Variants in MGST2 observed in about 807,000 individuals in gnomAD.
MGST2 encodes the protein glutathione peroxidase MGST2.
MGST2 carries 9 observed loss-of-function variants against 16.6 expected under a neutral mutation model. The ratio of observed to expected loss-of-function variants is 0.54; its 90% CI spans 0.33 to 0.95. The LOEUF (loss-of-function observed/expected upper bound fraction) is 0.95. MGST2 is among the 40% of genes least tolerant of loss of function. The probability of loss-of-function intolerance (pLI) is 0.03; values close to 1 mark genes in which losing one functional copy is unlikely to be tolerated. For synonymous variants in MGST2, 79 were observed against 68.0 expected (o/e 1.16, Z -0.79); for missense variants, 159 against 175.1 (o/e 0.91, Z 0.52).
At chr4:139,754,505 G>T in the MGST2 span, among the ~76,000 whole-genome samples, 1 of 152,128 alleles carries the variant, frequency 6.6e-6, no homozygotes, top group African/African-American at 2.4e-5. Context: ...CCTATTGTTG[G>T]ACATTTAAAT....
intron 2 of MGST2, among the ~76,000 whole-genome samples, chr4:139,689,630 C>T (rs1354475570): frequency 6.6e-6 from 1 of 152,054 alleles, no homozygotes; most frequent in Non-Finnish European, 1.5e-5. Context: ...GGATGAGTCA[C>T]CTAAACAAGA....
intron 2 of MGST2, among the ~76,000 whole-genome samples, chr4:139,682,606 G>A (rs910666415): frequency 2.0e-5 from 3 of 152,214 alleles, no homozygotes; most frequent in South Asian, 4.1e-4. Flanking sequence ...AGTCATGACA[G>A]GGTTTTAAGC....
Position 139,704,004 on chromosome 4 carries a change from T to C in MGST2, c.312-12T>C. Reference sequence around the variant, plus strand: ...CAGTTTGTCACTTTTCTCCCTCATGTCCACTCTGCAGGATCACCGGTTTCC... The same window carrying C: ...CAGTTTGTCACTTTTCTCCCTCATGCCCACTCTGCAGGATCACCGGTTTCC... On this transcript the variant is annotated splice_polypyrimidine_tract_variant and intron_variant, in intron 4 of 4. Transcript: ENST00000265498. 2 of 1,614,080 alleles carry C rather than the reference T, an allele frequency of 1.2e-6. No individual in the cohort carries two copies. Among genetic ancestry groups the C allele is most frequent in the Non-Finnish European group, 1.7e-6 (2 of 1,180,012 alleles).
intron 2 of MGST2, among the ~76,000 whole-genome samples, chr4:139,688,736 A>C (rs1726392728): frequency 6.6e-6 from 1 of 152,334 alleles, no homozygotes; most frequent in South Asian, 2.1e-4. Context: ...CAGTAAACAT[A>C]TTCCTGTTTT....
chr4:139,717,193 TC>T (rs1728011560), intron 5 of MGST2: 1 of 152,564 alleles, frequency 6.6e-6, no homozygotes, highest in African/African-American at 2.4e-5. Flanking sequence ...CATATTAAAA[TC>T]TACCTATTAG....
chr4:139,677,797 T>C (rs1731042100), intron 1 of MGST2, among the ~76,000 whole-genome samples: 2 of 152,148 alleles, frequency 1.3e-5, no homozygotes, highest in African/African-American at 4.8e-5. Flanking sequence ...GCCACCGTGA[T>C]CGGCACATTT....
At chr4:139,729,099 C>A (rs941565004) in intron 5 of MGST2, among the ~76,000 whole-genome samples, 1 of 130,236 alleles carries the variant, frequency 7.7e-6, no homozygotes, top group African/African-American at 2.9e-5. Flanking sequence ...AGCTGCCAGG[C>A]GGCTGACTGA....
chr4:139,666,045 C>T lies in MGST2; in HGVS notation c.26C>T (p.Ala9Val). The T allele has an allele frequency of 6.2e-7, 1 of 1,614,080 alleles. No homozygotes were observed. Among genetic ancestry groups the T allele is most frequent in the Non-Finnish European group, 8.5e-7 (1 of 1,180,016 alleles). The change falls in exon 1 of 5, where the codon GCT (alanine) becomes GTT (valine). Residue 9 changes from alanine (A) to valine (V), a missense_variant. Physicochemically the swap from Ala to Val is moderately conservative, Grantham distance 64. Coordinates refer to ENST00000265498, the MANE Select transcript of MGST2 (RefSeq NM_002413.5). ...ATGGCCGGGAACTCGATCCTGCTGG[C>T]TGCTGTCTCTATTCTCTCGGCCTGT... MAGNSILLAAVSILSACQQ... is the reference protein window; with the variant it reads MAGNSILLVAVSILSACQQ...
At chr4:139,719,382 T>TG in intron 5 of MGST2, 1 of 1,612,852 alleles carries the variant, frequency 6.2e-7, no homozygotes, top group Non-Finnish European at 8.5e-7. Context: ...GGCCCGCCTT[T>TG]GATGATGGAG....
intron 5 of MGST2, among the ~76,000 whole-genome samples, chr4:139,728,865 G>A (rs1218389870): frequency 1.3e-5 from 2 of 152,182 alleles, no homozygotes; most frequent in African/African-American, 2.4e-5. Flanking sequence ...AGCTCTGCCT[G>A]CTTGCCCTGG....
At chr4:139,752,408 TC>T in the MGST2 span, among the ~76,000 whole-genome samples, 3 of 152,148 alleles carry the variant, frequency 2.0e-5, no homozygotes, top group Non-Finnish European at 4.4e-5. Flanking sequence ...ACCCAACTCC[TC>T]TTCCAGTGTG....
downstream of MGST2, chr4:139,705,659 A>AG (rs397767211): frequency 5.3e-5 from 8 of 151,650 alleles, no homozygotes; most frequent in East Asian, 9.7e-4. Flanking sequence ...AAGTAAAAAA[A>AG]GGATACCATT....
At chr4:139,692,157 C>T (rs1056387528) in intron 2 of MGST2, among the ~76,000 whole-genome samples, 14 of 152,152 alleles carry the variant, frequency 9.2e-5, no homozygotes, top group African/African-American at 3.1e-4. Flanking sequence ...AGTGACCAGC[C>T]ACTTGTAGGG....
intron 2 of MGST2, among the ~76,000 whole-genome samples, chr4:139,689,811 A>G (rs1726465953): frequency 6.6e-6 from 1 of 152,226 alleles, no homozygotes; most frequent in Non-Finnish European, 1.5e-5. Flanking sequence ...TGTTGCAAGC[A>G]AAGTTGCATA....
At position 139,698,433 on chromosome 4, in the gene MGST2, C is replaced by G; in HGVS notation, c.229+3166C>G. 2.3e-6 allele frequency: 3 copies of G among 1,277,386 alleles called. No individual in the cohort carries two copies. The South Asian group carries it at 3.6e-5, about 15-fold the overall frequency. 79.1% of individuals were successfully genotyped at this position (1,277,386 alleles called of 1,614,324 possible). A position where few individuals can be genotyped will look rare whatever the true frequency, so the allele number is the denominator to read the frequency against. The stretch of plus-strand genomic sequence containing the variant: ...GAGCGCCACAGTACCAGGCCTGTAA[C>G]GATGAGGTTTCTTCACCCCTCCAGT... On this transcript the variant is annotated intron_variant, in intron 3 of 4. Coordinates refer to ENST00000265498, the MANE Select transcript of MGST2 (RefSeq NM_002413.5).
At position 139,671,508 on chromosome 4, in the gene MGST2, C is replaced by T. The variant is rs189510377; in HGVS notation, c.58+5431C>T. ...TTTTCAGACCTACTGCTCTGTCGCC[C>T]GGGCTGGAGTGCAGTGGTGTGATCT... On this transcript the variant is annotated intron_variant, in intron 1 of 4. Coordinates refer to ENST00000265498, the MANE Select transcript of MGST2 (RefSeq NM_002413.5). Among the ~76,000 whole-genome samples, 7 of 152,136 alleles carry T rather than the reference C, an allele frequency of 4.6e-5. 1 individual carries two copies. The South Asian group carries it at 6.2e-4, about 14-fold the overall frequency.
the MGST2 span, among the ~76,000 whole-genome samples, chr4:139,751,562 T>A: frequency 6.6e-6 from 1 of 152,110 alleles, no homozygotes; most frequent in African/African-American, 2.4e-5. Flanking sequence ...GCTCAAAAAA[T>A]TTTGGATTTT....
chr4:139,746,254 T>C, the MGST2 span, among the ~76,000 whole-genome samples: 1 of 152,328 alleles, frequency 6.6e-6, no homozygotes, highest in Non-Finnish European at 1.5e-5. Context: ...ACCTTTTAAA[T>C]CTGAACTAGA....
chr4:139,735,117 G>A lies in MGST2; in HGVS notation c.*49-5095G>A, dbSNP rs1728883247. On this transcript the variant is annotated intron_variant, in intron 5 of 5. Coordinates refer to the MGST2 transcript ENST00000616265. The surrounding 1 kb of genome is among the most constrained non-coding windows in gnomAD (Gnocchi z 5.8). ...TCTGGGCGAGCGCTGCGAACGTGGA[G>A]CCAGGCAGTCAAGTGTTACTGCGTA... 6.6e-6 allele frequency among the ~76,000 whole-genome samples: 1 copy of A among 152,222 alleles called. No homozygotes were observed. Among genetic ancestry groups the A allele is most frequent in the Non-Finnish European group, 1.5e-5 (1 of 68,030 alleles).
Sources: gnomAD v4.1 joint callset for allele counts (sites outside exome capture counted in the v4.1 genomes callset) on GRCh38, gnomAD v4.1.1 for gene constraint, Gnocchi (gnomAD v3.1) non-coding constraint, MANE v1.5 for transcripts, NCBI Gene and HGNC (gene_info 2026-07-23, HGNC 2026-07-21) for gene names.